COL9A1: variants seen among roughly 807,000 people sequenced by gnomAD.
COL9A1 encodes collagen alpha-1(IX) chain.
A neutral mutation model predicts 142.6 loss-of-function variants in COL9A1; 104 were observed. The observed-to-expected ratio is 0.73, with a 90% CI of 0.62 to 0.86. The LOEUF (loss-of-function observed/expected upper bound fraction) is 0.86. Among genes scored for constraint, COL9A1 ranks in the 40% least tolerant of loss-of-function variants. The pLI is 0.00. For missense variants in COL9A1, 1,210 were observed against 1,176.6 expected, an observed-to-expected ratio of 1.03 and a Z score of -0.42; for synonymous variants, 466 against 396.0, an observed-to-expected ratio of 1.18 and a Z score of -2.10.
Position 70,302,998 on chromosome 6 carries a change from A to G in COL9A1, c.-74T>C, listed in dbSNP as rs886061701. ...GTTGGAAGGGAGTCACTGTCCCCTC[A>G]CGACCCCTTCACTGTTACCCTAGGA... On this transcript the variant is annotated 5_prime_UTR_variant, in exon 1 of 38. Transcript: ENST00000357250. 2.7e-6 allele frequency: 4 copies of G among 1,470,968 alleles called. No individual in the cohort carries two copies. Among genetic ancestry groups the G allele is most frequent in the Non-Finnish European group, 3.8e-6 (4 of 1,050,014 alleles). 91.1% of individuals were successfully genotyped at this position (1,470,968 alleles called of 1,614,324 possible). A position where few individuals can be genotyped will look rare whatever the true frequency, so the allele number is the denominator to read the frequency against.
intron 19 of COL9A1, among the ~76,000 whole-genome samples, chr6:70,262,387 A>G (rs931309059): frequency 6.6e-6 from 1 of 152,124 alleles, no homozygotes; most frequent in Admixed American, 6.5e-5. Context: ...AATTTCCCTT[A>G]CACTTTAAAT....
intron 6 of COL9A1, 135 bp from the exon 7 acceptor site, chr6:70,283,053 G>GC: frequency 1.3e-6 from 2 of 1,539,600 alleles, no homozygotes; most frequent in Non-Finnish European, 1.7e-6. Context: ...TCCAGGCCAT[G>GC]CCCGCCGCCC....
chr6:70,236,489 T>C (rs991048056), intron 33 of COL9A1, among the ~76,000 whole-genome samples: 9 of 152,214 alleles, frequency 5.9e-5, no homozygotes, highest in Non-Finnish European at 1.3e-4. Flanking sequence ...AAGATATGAA[T>C]GTTTATAAAG....
intron 17 of COL9A1, among the ~76,000 whole-genome samples, chr6:70,267,337 T>TTTTTTTTTTTTTTTTTG: frequency 6.7e-6 from 1 of 148,342 alleles, no homozygotes; most frequent in Non-Finnish European, 1.5e-5. Context: ...GTTTTTTTTT[T>TTTTTTTTTTTTTTTTTG]TTGAGATGGA....
chr6:70,303,068 G>A lies in COL9A1; in HGVS notation c.-144C>T. The stretch of plus-strand genomic sequence containing the variant: ...CCTTGGTCCCTCCTGCCCCCGGTGA[G>A]GGCTAAAAGCAAAGGGAGAGAACCA... On this transcript the variant is annotated 5_prime_UTR_variant, in exon 1 of 38. Coordinates refer to ENST00000357250, the MANE Select transcript of COL9A1 (RefSeq NM_001851.6). The A allele has an allele frequency of 1.2e-6, 1 of 855,768 alleles. No individual in the cohort carries two copies. The highest frequency in any genetic ancestry group is 1.3e-5 in the South Asian group (1 of 74,962). 53.0% of individuals were successfully genotyped at this position (855,768 alleles called of 1,614,324 possible). A position where few individuals can be genotyped will look rare whatever the true frequency, so the allele number is the denominator to read the frequency against.
intron 37 of COL9A1, among the ~76,000 whole-genome samples, chr6:70,222,434 T>C (rs571048331): frequency 6.6e-6 from 1 of 152,286 alleles, no homozygotes; most frequent in East Asian, 1.9e-4. Flanking sequence ...CTCCTGGCTG[T>C]GAGAAACAAA....
Position 70,252,323 on chromosome 6 carries a change from TAA to T in COL9A1, c.1765-10_1765-9del. ...TGGAGCACCTGTGCTACCCTAAGGGTAAAATGCAACATCCAAAATAACTCATG... is the reference window on the plus strand; with the variant it reads ...TGGAGCACCTGTGCTACCCTAAGGGTAATGCAACATCCAAAATAACTCATG... On this transcript the variant is annotated splice_polypyrimidine_tract_variant and intron_variant, in intron 26 of 37. Coordinates refer to ENST00000357250, the MANE Select transcript of COL9A1 (RefSeq NM_001851.6). The T allele has an allele frequency of 1.2e-6, 2 of 1,613,766 alleles. No homozygotes were observed. Among genetic ancestry groups the T allele is most frequent in the Non-Finnish European group, 1.7e-6 (2 of 1,179,638 alleles).
chr6:70,269,692 A>G (rs773215014), intron 15 of COL9A1, 27 bp from the exon 16 acceptor site: 34 of 1,457,042 alleles, frequency 2.3e-5, no homozygotes, highest in African/African-American at 4.2e-5. Context: ...ATTAAGGTTC[A>G]GAATACAATT....
intron 5 of COL9A1, among the ~76,000 whole-genome samples, chr6:70,290,325 T>C (rs985469435): frequency 6.6e-6 from 1 of 152,102 alleles, no homozygotes; most frequent in African/African-American, 2.4e-5. Flanking sequence ...AAACCAAGCT[T>C]TGCAGTGGGA....
intron 14 of COL9A1, among the ~76,000 whole-genome samples, chr6:70,271,221 A>T (rs1031146138): frequency 2.6e-5 from 4 of 152,194 alleles, no homozygotes; most frequent in Non-Finnish European, 5.9e-5. Context: ...TATATGAGAC[A>T]TTTTTTATGA....
chr6:70,223,981 C>T (rs1012460223), intron 37 of COL9A1, among the ~76,000 whole-genome samples: 3 of 151,732 alleles, frequency 2.0e-5, no homozygotes, highest in Admixed American at 6.6e-5. Flanking sequence ...AGGAGGGCAA[C>T]GATTTTGGAG....
chr6:70,280,451 G>A, intron 10 of COL9A1: 1 of 1,229,108 alleles, frequency 8.1e-7, no homozygotes, highest in Non-Finnish European at 1.0e-6. Context: ...GCTCACAGCA[G>A]GTAAGCCGAA....
chr6:70,244,433 G>A (rs1373586712), intron 28 of COL9A1, among the ~76,000 whole-genome samples: 1 of 152,152 alleles, frequency 6.6e-6, no homozygotes, highest in Admixed American at 6.5e-5. Flanking sequence ...CAAAGTTCAA[G>A]ACAGATTTTC....
intron 19 of COL9A1, chr6:70,261,008 T>C (rs1562310355): frequency 3.3e-6 from 1 of 306,774 alleles, no homozygotes. Flanking sequence ...ATGTTTGACT[T>C]ACCTTTTAAC....
chr6:70,237,813 T>A (rs1233951097), intron 33 of COL9A1, among the ~76,000 whole-genome samples: 2 of 152,354 alleles, frequency 1.3e-5, no homozygotes, highest in African/African-American at 4.8e-5. Flanking sequence ...TACGATGTAA[T>A]AATATTCATC....
intron 10 of COL9A1, chr6:70,279,827 A>G: frequency 2.0e-6 from 1 of 491,390 alleles, no homozygotes; most frequent in Non-Finnish European, 3.7e-6. Flanking sequence ...ACTGTAGTCA[A>G]AAATTCTTGG....
chr6:70,298,489 A>T (rs775936294), intron 4 of COL9A1, among the ~76,000 whole-genome samples: 5 of 152,130 alleles, frequency 3.3e-5, no homozygotes, highest in Non-Finnish European at 5.9e-5. Context: ...TCTTTTAACA[A>T]GCCTTGACAG....
intron 29 of COL9A1, 151 bp from the exon 30 acceptor site, chr6:70,242,186 T>C (rs1422942267): frequency 2.8e-6 from 2 of 721,954 alleles, no homozygotes; most frequent in East Asian, 5.6e-5. Context: ...CTCTCTTTCA[T>C]ATTCTCAGGA....
At chr6:70,276,117 CT>C (rs1772743662) in intron 10 of COL9A1, among the ~76,000 whole-genome samples, 2 of 152,060 alleles carry the variant, frequency 1.3e-5, no homozygotes, top group Admixed American at 6.6e-5. Context: ...CACAAAAGAA[CT>C]TTTGACAGAC....
Sources: allele counts gnomAD v4.1 joint callset (sites outside exome capture counted in the v4.1 genomes callset), GRCh38; gene constraint gnomAD v4.1.1; transcripts MANE v1.5; gene names NCBI Gene and HGNC (gene_info 2026-07-23, HGNC 2026-07-21).